COL24A1: variants seen among roughly 807,000 people sequenced by gnomAD.
The protein encoded by COL24A1 is collagen type XXIV alpha 1 chain.
In COL24A1, 224 loss-of-function variants were observed where a neutral mutation model predicts 253.9. The ratio of observed to expected loss-of-function variants is 0.88; its 90% CI spans 0.79 to 0.99. COL24A1 has a LOEUF of 0.99. COL24A1 is among the 50% of genes least tolerant of loss of function. COL24A1 has a pLI of 0.00. For synonymous variants in COL24A1, 685 were observed against 673.7 expected (o/e 1.02, Z -0.26); for missense variants, 2,131 against 2,068.5 (o/e 1.03, Z -0.59).
At chr1:85,881,919 A>G (rs1293013724) in intron 32 of COL24A1, among the ~76,000 whole-genome samples, 1 of 151,570 alleles carries the variant, frequency 6.6e-6, no homozygotes, top group Non-Finnish European at 1.5e-5. Flanking sequence ...GTTTCCTAGG[A>G]TGGAAGCTTA....
chr1:85,765,803 A>T (rs909312966), intron 53 of COL24A1, among the ~76,000 whole-genome samples: 1 of 152,090 alleles, frequency 6.6e-6, no homozygotes, highest in Non-Finnish European at 1.5e-5. Context: ...ATAAGTTAAA[A>T]TTTTACTTAG....
At chr1:86,074,968 A>T (rs1702144944) in intron 7 of COL24A1, among the ~76,000 whole-genome samples, 2 of 152,164 alleles carry the variant, frequency 1.3e-5, no homozygotes, top group African/African-American at 4.8e-5. Flanking sequence ...CCCTAACCTC[A>T]CAATTAAAAG....
At chr1:85,771,885 G>C (rs1668006584) in intron 53 of COL24A1, among the ~76,000 whole-genome samples, 1 of 148,660 alleles carries the variant, frequency 6.7e-6, no homozygotes, top group Non-Finnish European at 1.5e-5. Context: ...TGCCATGCTG[G>C]TGCGCTGCAC....
chr1:86,151,148 CA>C (rs1405293312), intron 1 of COL24A1, among the ~76,000 whole-genome samples: 1 of 151,828 alleles, frequency 6.6e-6, no homozygotes, highest in African/African-American at 2.4e-5. Flanking sequence ...TATTTAACCA[CA>C]AAACTGTAAC....
chr1:85,844,966 A>ACTTATGC (rs1272092994), intron 39 of COL24A1, among the ~76,000 whole-genome samples: 1 of 151,920 alleles, frequency 6.6e-6, no homozygotes, highest in Non-Finnish European at 1.5e-5. Context: ...CTTGCTTAAC[A>ACTTATGC]CTTATGCCTA....
chr1:85,900,597 T>A (rs1381367371), intron 28 of COL24A1, among the ~76,000 whole-genome samples: 2 of 151,990 alleles, frequency 1.3e-5, no homozygotes. Flanking sequence ...TATGATCGCG[T>A]CACTGCACTC....
chr1:85,811,091 C>T (rs1672482009), intron 47 of COL24A1, among the ~76,000 whole-genome samples: 1 of 152,178 alleles, frequency 6.6e-6, no homozygotes, highest in Non-Finnish European at 1.5e-5. Flanking sequence ...AGCATAATGT[C>T]CTTCAAGTCT....
At chr1:85,900,348 T>C (rs1684155997) in intron 28 of COL24A1, among the ~76,000 whole-genome samples, 1 of 152,076 alleles carries the variant, frequency 6.6e-6, no homozygotes, top group Admixed American at 6.6e-5. Flanking sequence ...GACTTTAAAG[T>C]ACACTACTGG....
rs983036496 is a variant in COL24A1 at position 86,042,847 on chromosome 1, T to G, written c.1950+3978A>C. On this transcript the variant is annotated intron_variant, in intron 12 of 59. Coordinates refer to ENST00000370571, the MANE Select transcript of COL24A1 (RefSeq NM_152890.7). ...CATTGGACAATTTTAGACAAGACTT[T>G]TAGTCCATTTCTGTGCTATATGTAT... Among the ~76,000 whole-genome samples the G allele has an allele frequency of 3.3e-5, 5 of 152,272 alleles. No individual in the cohort carries two copies. In the East Asian group the frequency reaches 9.6e-4, roughly 29 times the overall value.
intron 2 of COL24A1, among the ~76,000 whole-genome samples, chr1:86,130,901 C>T (rs909488988): frequency 1.3e-5 from 2 of 151,926 alleles, no homozygotes; most frequent in East Asian, 1.9e-4. Context: ...AGTAGCTTCC[C>T]CAATCACTTC....
At chr1:85,897,494 C>G (rs1489050001) in intron 28 of COL24A1, among the ~76,000 whole-genome samples, 1 of 151,466 alleles carries the variant, frequency 6.6e-6, no homozygotes, top group Non-Finnish European at 1.5e-5. Context: ...CTGCATTGTA[C>G]CTGCTATGCA....
At chr1:86,051,180 A>T (rs952855321) in intron 10 of COL24A1, among the ~76,000 whole-genome samples, 2 of 152,146 alleles carry the variant, frequency 1.3e-5, no homozygotes, top group Non-Finnish European at 2.9e-5. Context: ...CTGGTTCAAC[A>T]AACATTATTT....
chr1:86,129,449 A>AT lies in COL24A1; in HGVS notation c.122-3236dup, dbSNP rs950808410. Among the ~76,000 whole-genome samples the AT allele has an allele frequency of 8.3e-4, 122 of 147,428 alleles. 1 individual carries two copies. In the East Asian group the frequency reaches 0.017, roughly 20 times the overall value. On this transcript the variant is annotated intron_variant, in intron 2 of 59. Transcript: ENST00000370571. Reference sequence around the variant, plus strand: ...TTATCTTTATTAATTATCTCTTCCCATTTTTTTTTGTTTTACTCTTTTGCT... The same window carrying AT: ...TTATCTTTATTAATTATCTCTTCCCATTTTTTTTTTGTTTTACTCTTTTGCT...
At chr1:85,777,900 CT>C (rs529580014) in intron 52 of COL24A1, among the ~76,000 whole-genome samples, 348 of 152,094 alleles carry the variant, frequency 2.3e-3, no homozygotes, top group African/African-American at 6.8e-3. Context: ...AATAGTTGAA[CT>C]TTTGGATTTG....
Position 85,842,128 on chromosome 1 carries a change from A to C in COL24A1, c.3517-7T>G, listed in dbSNP as rs200748464. 85 of 1,613,032 alleles carry C rather than the reference A, an allele frequency of 5.3e-5. No homozygotes were observed. Among genetic ancestry groups the C allele is most frequent in the Non-Finnish European group, 7.2e-5 (85 of 1,179,226 alleles). ...CTGGTTGGCCCTGATGGCCCTACGA[A>C]AGGACAAGTAGACATTTATACATGC... On this transcript the variant is annotated splice_polypyrimidine_tract_variant and splice_region_variant and intron_variant, in intron 40 of 59. Coordinates refer to ENST00000370571, the MANE Select transcript of COL24A1 (RefSeq NM_152890.7).
chr1:86,137,898 T>C (rs1357851495), intron 2 of COL24A1, among the ~76,000 whole-genome samples: 2 of 152,184 alleles, frequency 1.3e-5, no homozygotes, highest in Non-Finnish European at 2.9e-5. Context: ...AATCTTTTCA[T>C]AGTGTAAAGT....
At chr1:85,914,510 C>G (rs140597919) in intron 24 of COL24A1, among the ~76,000 whole-genome samples, 4,860 of 151,904 alleles carry the variant, frequency 0.032, 264 homozygotes, top group African/African-American at 0.11. Flanking sequence ...CCTGCCTCAG[C>G]CTCCTGAATG....
At chr1:85,997,039 A>ATGTGTGTGTGTGTGTGTGTGTGTGTGTG (rs1491173763) in intron 19 of COL24A1, among the ~76,000 whole-genome samples, 3 of 48,418 alleles carry the variant, frequency 6.2e-5, no homozygotes, top group Non-Finnish European at 4.1e-5. Context: ...ATATATATAT[A>ATGTGTGTGTGTGTGTGTGTGTGTGTGTG]TATGTGTGTG....
At chr1:85,739,118 T>C (rs371864125) in intron 57 of COL24A1, among the ~76,000 whole-genome samples, 5 of 152,206 alleles carry the variant, frequency 3.3e-5, no homozygotes, top group East Asian at 3.8e-4. Context: ...ATAAAGTTTT[T>C]AGAAAGTACA....
Sources: allele counts gnomAD v4.1 joint callset (sites outside exome capture counted in the v4.1 genomes callset), GRCh38; gene constraint gnomAD v4.1.1; transcripts MANE v1.5; gene names NCBI Gene and HGNC (gene_info 2026-07-23, HGNC 2026-07-21).